ANKRD12: variants seen among roughly 807,000 people sequenced by gnomAD.
The protein encoded by ANKRD12 is ankyrin repeat domain-containing protein 12.
In ANKRD12, 85 loss-of-function variants were observed where a neutral mutation model predicts 183.4. That is an observed-to-expected ratio of 0.46 (90% CI 0.39 to 0.56). The LOEUF (loss-of-function observed/expected upper bound fraction) is 0.56, where lower values mean the gene tolerates loss of function less well. Ranked by LOEUF, ANKRD12 falls within the 20% of genes least tolerant of loss-of-function variation. The pLI, the probability that ANKRD12 is intolerant of heterozygous loss-of-function variation, is 0.00. For synonymous variants in ANKRD12, 914 were observed against 800.2 expected (o/e 1.14, Z -2.40); for missense variants, 2,405 against 2,357.1 (o/e 1.02, Z -0.42).
At chr18:9,280,889 A>C in intron 12 of ANKRD12, 52 bp from the exon 13 acceptor site, 1 of 1,565,058 alleles carries the variant, frequency 6.4e-7, no homozygotes, top group Non-Finnish European at 8.7e-7. Flanking sequence ...TAATTTTTAA[A>C]CAAAGCAAAG....
At chr18:9,248,815 C>T (rs2038115725) in intron 8 of ANKRD12, among the ~76,000 whole-genome samples, 2 of 152,216 alleles carry the variant, frequency 1.3e-5, no homozygotes, top group Admixed American at 1.3e-4. Context: ...CATATCTGTG[C>T]TCCGCATGGC....
chr18:9,141,613 CA>C (rs1416573178), intron 1 of ANKRD12, among the ~76,000 whole-genome samples: 1 of 152,128 alleles, frequency 6.6e-6, no homozygotes, highest in East Asian at 1.9e-4. Flanking sequence ...CTGAAAGTTA[CA>C]GGGTGGAAGT....
intron 1 of ANKRD12, among the ~76,000 whole-genome samples, chr18:9,164,209 T>C (rs111936514): frequency 0.01 from 1,560 of 152,306 alleles, 36 homozygotes; most frequent in African/African-American, 0.035. Flanking sequence ...GTCCCTAGTT[T>C]ATTGAGAGTT....
rs1046335851 is a variant in ANKRD12 at position 9,136,827 on chromosome 18, G to T, written c.-190G>T. On this transcript the variant is annotated 5_prime_UTR_variant, in exon 1 of 13. Transcript: ENST00000262126. The stretch of plus-strand genomic sequence containing the variant: ...AGCGAGGAGGCTGTGGTGAGAGACG[G>T]ACCGAGACCGGAGATGTTTTCAAGC... 6.6e-6 allele frequency: 1 copy of T among 152,270 alleles called. No individual in the cohort carries two copies. Among genetic ancestry groups the T allele is most frequent in the African/African-American group, 2.4e-5 (1 of 41,436 alleles). The allele number at this position is 152,270 out of a possible 1,614,324, so 9.4% of individuals were successfully genotyped here.
intron 3 of ANKRD12, among the ~76,000 whole-genome samples, chr18:9,202,839 G>C (rs773152156): frequency 2.3e-4 from 35 of 152,212 alleles, no homozygotes; most frequent in African/African-American, 7.0e-4. Context: ...AGACTATTCA[G>C]ATGCCCCCAA....
intron 11 of ANKRD12, among the ~76,000 whole-genome samples, chr18:9,275,925 C>A (rs895028215): frequency 6.6e-6 from 1 of 152,184 alleles, no homozygotes; most frequent in Non-Finnish European, 1.5e-5. Flanking sequence ...CTTACAGGTA[C>A]ACATAATTTG....
chr18:9,165,117 C>A (rs540425907), intron 1 of ANKRD12, among the ~76,000 whole-genome samples: 4 of 152,210 alleles, frequency 2.6e-5, no homozygotes, highest in African/African-American at 9.6e-5. Context: ...ATAGTTAGCT[C>A]TTCTCGTTGA....
intron 1 of ANKRD12, among the ~76,000 whole-genome samples, chr18:9,164,373 C>T (rs943752856): frequency 3.9e-5 from 6 of 151,952 alleles, no homozygotes; most frequent in Admixed American, 1.3e-4. Flanking sequence ...GTGAAACCAA[C>T]TTGATTTTTT....
intron 1 of ANKRD12, among the ~76,000 whole-genome samples, chr18:9,160,232 C>T (rs1568234471): frequency 1.3e-5 from 2 of 152,202 alleles, no homozygotes; most frequent in African/African-American, 4.8e-5. Flanking sequence ...CCTCCCACTT[C>T]AGCCTTCTGA....
At chr18:9,208,560 A>G (rs1279355798) in intron 4 of ANKRD12, 97 bp from the exon 5 acceptor site, 2 of 1,001,770 alleles carry the variant, frequency 2.0e-6, no homozygotes, top group African/African-American at 1.6e-5. Context: ...CACATTTCTC[A>G]TATATATGTA....
At chr18:9,243,471 G>C (rs1373297189) in intron 8 of ANKRD12, among the ~76,000 whole-genome samples, 1 of 152,210 alleles carries the variant, frequency 6.6e-6, no homozygotes, top group African/African-American at 2.4e-5. Flanking sequence ...AGAAGGGACA[G>C]CATGAACAAA....
At chr18:9,153,024 G>A (rs1463939462) in intron 1 of ANKRD12, among the ~76,000 whole-genome samples, 1 of 151,490 alleles carries the variant, frequency 6.6e-6, no homozygotes, top group Non-Finnish European at 1.5e-5. Flanking sequence ...CTGTAGAGAC[G>A]GGTCTCACTA....
intron 2 of ANKRD12, among the ~76,000 whole-genome samples, chr18:9,182,998 C>T (rs7505341): frequency 0.78 from 118,432 of 151,978 alleles, 46,365 homozygotes; most frequent in Middle Eastern, 0.88. Flanking sequence ...CATTTTCTTA[C>T]GGAAAGATGT....
chr18:9,201,973 G>A (rs908809440), intron 3 of ANKRD12, among the ~76,000 whole-genome samples: 35 of 151,814 alleles, frequency 2.3e-4, no homozygotes, highest in Admixed American at 6.6e-4. Context: ...GATTACAGGC[G>A]TGTGCCACCA....
At position 9,258,805 on chromosome 18, in the gene ANKRD12, A is replaced by T; in HGVS notation, c.5538A>T (p.Ile1846=). ...YFEYLHIRKK[I]EEKRKLLCSV... Reference sequence around the variant, plus strand: ...AATACTTGCACATAAGGAAAAAAATAGAAGAAAAACGCAAATTACTGTGTA... The same window carrying T: ...AATACTTGCACATAAGGAAAAAAATTGAAGAAAAACGCAAATTACTGTGTA... Residue 1846 remains isoleucine (I), a synonymous_variant, in exon 9 of 13, where the codon ATA becomes ATT. Transcript: ENST00000262126. 2 of 1,613,992 alleles carry T rather than the reference A, an allele frequency of 1.2e-6. No homozygotes were observed.
At chr18:9,170,826 C>A (rs1222867881) in intron 1 of ANKRD12, among the ~76,000 whole-genome samples, 5 of 152,036 alleles carry the variant, frequency 3.3e-5, no homozygotes, top group Non-Finnish European at 7.4e-5. Context: ...TTTTTCCCAT[C>A]TTTGTGGTTT....
intron 11 of ANKRD12, among the ~76,000 whole-genome samples, chr18:9,275,907 A>C (rs930111107): frequency 6.6e-6 from 1 of 152,232 alleles, no homozygotes; most frequent in Non-Finnish European, 1.5e-5. Context: ...TACATTTAGG[A>C]TAGTGCCCTT....
chr18:9,171,178 C>T (rs977993238), intron 1 of ANKRD12, among the ~76,000 whole-genome samples: 4 of 152,114 alleles, frequency 2.6e-5, no homozygotes, highest in South Asian at 2.1e-4. Context: ...GGCAGTCTGC[C>T]CGTTGTCAGA....
chr18:9,158,648 GATA>G (rs2143727935), intron 1 of ANKRD12, among the ~76,000 whole-genome samples: 1 of 152,230 alleles, frequency 6.6e-6, no homozygotes, highest in Admixed American at 6.5e-5. Context: ...TCACCTGGCT[GATA>G]ATAGTATTTG....
Sources: gnomAD v4.1 joint callset for allele counts (sites outside exome capture counted in the v4.1 genomes callset) on GRCh38, gnomAD v4.1.1 for gene constraint, MANE v1.5 for transcripts, NCBI Gene and HGNC (gene_info 2026-07-23, HGNC 2026-07-21) for gene names.